BMPR1B: variants seen among roughly 807,000 people sequenced by gnomAD.
The protein encoded by BMPR1B is bone morphogenetic protein receptor type-1B.
In BMPR1B, 12 loss-of-function variants were observed where a neutral mutation model predicts 59.1. That is an observed-to-expected ratio of 0.20 (90% CI 0.13 to 0.33). The LOEUF is 0.33. BMPR1B is among the 10% of genes least tolerant of loss of function. The pLI, the probability that BMPR1B is intolerant of heterozygous loss-of-function variation, is 1.00. For missense variants in BMPR1B, 550 were observed against 610.9 expected (o/e 0.90, Z 1.05); for synonymous variants, 237 against 207.3 (o/e 1.14, Z -1.23).
intron 1 of BMPR1B, among the ~76,000 whole-genome samples, chr4:94,814,822 G>A (rs1357676023): frequency 6.6e-6 from 1 of 151,926 alleles, no homozygotes; most frequent in Non-Finnish European, 1.5e-5. Flanking sequence ...CAAAATAACA[G>A]GATTAATAGG....
intron 1 of BMPR1B, among the ~76,000 whole-genome samples, chr4:94,759,031 GT>G (rs1721652284): frequency 6.6e-6 from 1 of 152,262 alleles, no homozygotes; most frequent in African/African-American, 2.4e-5. Flanking sequence ...TCCAGGCTCC[GT>G]GTTTCCGCCT....
chr4:94,951,582 T>G (rs949894738), intron 2 of BMPR1B, among the ~76,000 whole-genome samples: 4 of 151,172 alleles, frequency 2.6e-5, no homozygotes, highest in Admixed American at 2.0e-4. Flanking sequence ...AGTTTATTGA[T>G]TTGCCTTGCA....
At chr4:94,899,348 TACA>T (rs1038595765) in intron 2 of BMPR1B, among the ~76,000 whole-genome samples, 1 of 141,680 alleles carries the variant, frequency 7.1e-6, no homozygotes, top group African/African-American at 2.8e-5. Flanking sequence ...TTCAGGCCAC[TACA>T]ACTTTTCAGG....
chr4:94,969,463 A>T (rs1578863125), intron 2 of BMPR1B, among the ~76,000 whole-genome samples: 1 of 152,060 alleles, frequency 6.6e-6, no homozygotes, highest in Non-Finnish European at 1.5e-5. Flanking sequence ...TCTGTTCAGA[A>T]CCTGAAGCCT....
intron 1 of BMPR1B, among the ~76,000 whole-genome samples, chr4:94,859,668 A>C (rs1233958882): frequency 6.6e-6 from 1 of 152,118 alleles, no homozygotes; most frequent in Non-Finnish European, 1.5e-5. Context: ...ATCTTAAACC[A>C]GGTAGCATAA....
At chr4:94,797,128 C>T (rs557193027) in intron 1 of BMPR1B, among the ~76,000 whole-genome samples, 5 of 152,188 alleles carry the variant, frequency 3.3e-5, no homozygotes, top group South Asian at 2.1e-4. Flanking sequence ...GAAGCAAGAC[C>T]GAATTAGGAC....
rs369359198 is a variant in BMPR1B, at chr4:94,852,116, T to C, written c.-182-23715T>C. ...TTGTATTCATTGCAGTTATTATTTC[T>C]TACAAATACAAAATGAGTGTAGTTA... On this transcript the variant is annotated intron_variant, in intron 1 of 12. Transcript: ENST00000515059. Among the ~76,000 whole-genome samples, 28 of 152,278 alleles carry C rather than the reference T, an allele frequency of 1.8e-4. No homozygotes were observed. In the South Asian group the frequency reaches 4.1e-3, roughly 23 times the overall value.
At chr4:94,878,336 A>G (rs891720796) in intron 2 of BMPR1B, among the ~76,000 whole-genome samples, 4 of 152,224 alleles carry the variant, frequency 2.6e-5, no homozygotes, top group Non-Finnish European at 4.4e-5. Flanking sequence ...TTCATGAATC[A>G]GTAGCATCTC....
chr4:94,904,202 A>T (rs1159722116), intron 2 of BMPR1B, among the ~76,000 whole-genome samples: 1 of 152,042 alleles, frequency 6.6e-6, no homozygotes, highest in Non-Finnish European at 1.5e-5. Context: ...GCAATCTGAC[A>T]TCAATGATTT....
chr4:95,064,196 C>T (rs1412774152), intron 3 of BMPR1B, among the ~76,000 whole-genome samples: 2 of 152,076 alleles, frequency 1.3e-5, no homozygotes, highest in Non-Finnish European at 2.9e-5. Flanking sequence ...CAGTCTTTGT[C>T]AATTAAAAAA....
chr4:95,079,939 T>C (rs1362695296), intron 3 of BMPR1B, among the ~76,000 whole-genome samples: 1 of 152,196 alleles, frequency 6.6e-6, no homozygotes, highest in African/African-American at 2.4e-5. Context: ...TACTCTCATA[T>C]TAATGATTCA....
chr4:95,107,064 AG>A (rs1206848082), intron 4 of BMPR1B, among the ~76,000 whole-genome samples: 2 of 152,034 alleles, frequency 1.3e-5, no homozygotes, highest in Non-Finnish European at 2.9e-5. Flanking sequence ...GACAAAATCA[AG>A]GTCACAGTCA....
intron 1 of BMPR1B, among the ~76,000 whole-genome samples, chr4:94,855,198 C>T (rs549845371): frequency 6.6e-6 from 1 of 152,134 alleles, no homozygotes; most frequent in African/African-American, 2.4e-5. Context: ...ATAAGAACAC[C>T]AAACATTTAT....
At chr4:95,096,234 C>T (rs979553080) in intron 3 of BMPR1B, among the ~76,000 whole-genome samples, 1 of 151,628 alleles carries the variant, frequency 6.6e-6, no homozygotes. Context: ...AATTATAACT[C>T]TACCTTATTT....
chr4:95,125,292 G>T (rs1325441170), intron 8 of BMPR1B, among the ~76,000 whole-genome samples, 171 bp downstream of exon 8: 1 of 152,178 alleles, frequency 6.6e-6, no homozygotes. Context: ...TTGACATATT[G>T]AGAGTAAGGT....
intron 3 of BMPR1B, chr4:95,051,896 C>A: frequency 2.4e-6 from 2 of 825,958 alleles, no homozygotes; most frequent in Non-Finnish European, 3.6e-6. Flanking sequence ...TTCCATCCCC[C>A]ATTCTCCAAC....
intron 2 of BMPR1B, among the ~76,000 whole-genome samples, chr4:94,894,438 AAGAGAGAG>A (rs35163913): frequency 1.3e-5 from 2 of 149,386 alleles, no homozygotes; most frequent in African/African-American, 4.9e-5. Context: ...TGGCCTTTAA[AAGAGAGAG>A]AGAGAGAGAG....
At chr4:94,853,605 G>T (rs1384519173) in intron 1 of BMPR1B, among the ~76,000 whole-genome samples, 2 of 152,052 alleles carry the variant, frequency 1.3e-5, no homozygotes, top group Non-Finnish European at 2.9e-5. Context: ...AATAAGCTTT[G>T]TTGTTTTCAA....
intron 1 of BMPR1B, among the ~76,000 whole-genome samples, chr4:94,864,420 G>T (rs1726122808): frequency 1.3e-5 from 2 of 152,134 alleles, no homozygotes; most frequent in South Asian, 4.1e-4. Flanking sequence ...TCTTTAAGGA[G>T]GGAAAGGCGG....
Sources: allele counts gnomAD v4.1 joint callset (sites outside exome capture counted in the v4.1 genomes callset), GRCh38; gene constraint gnomAD v4.1.1; transcripts MANE v1.5; gene names NCBI Gene and HGNC (gene_info 2026-07-23, HGNC 2026-07-21).